LAMC1: variants seen among roughly 807,000 people sequenced by gnomAD.
The protein encoded by LAMC1 is laminin subunit gamma 1, also known as laminin subunit gamma-1.
In LAMC1, 38 loss-of-function variants were observed where a neutral mutation model predicts 173.6. The ratio of observed to expected loss-of-function variants is 0.22; its 90% CI spans 0.17 to 0.29. The LOEUF is 0.29. Ranked by LOEUF, LAMC1 falls within the 10% of genes least tolerant of loss-of-function variation. LAMC1 has a pLI of 1.00. For missense variants in LAMC1, 1,824 were observed against 2,051.8 expected (o/e 0.89, Z 2.14); for synonymous variants, 746 against 749.1 (o/e 1.00, Z 0.07).
intron 4 of LAMC1, among the ~76,000 whole-genome samples, chr1:183,112,405 A>G (rs1055667067): frequency 6.6e-6 from 1 of 152,118 alleles, no homozygotes; most frequent in Non-Finnish European, 1.5e-5. Context: ...AGAACCAAAC[A>G]TTGCCAATTC....
At chr1:183,108,802 T>A (rs1281994334) in intron 3 of LAMC1, among the ~76,000 whole-genome samples, 1 of 152,224 alleles carries the variant, frequency 6.6e-6, no homozygotes, top group Non-Finnish European at 1.5e-5. Context: ...TATGAATATG[T>A]GAAAACTGAA....
At chr1:183,067,444 G>C (rs1654902636) in intron 1 of LAMC1, among the ~76,000 whole-genome samples, 2 of 152,028 alleles carry the variant, frequency 1.3e-5, no homozygotes, top group Non-Finnish European at 2.9e-5. Context: ...TGGCTGTTCT[G>C]TACTTATATA....
At chr1:183,024,157 C>G (rs2102001005) in intron 1 of LAMC1, 23 bp downstream of exon 1, 1 of 1,522,500 alleles carries the variant, frequency 6.6e-7, no homozygotes, top group South Asian at 1.3e-5. Context: ...AGCCCCGTCC[C>G]CTGCTACTGC....
intron 24 of LAMC1, among the ~76,000 whole-genome samples, chr1:183,135,889 T>C (rs1355350327): frequency 2.0e-4 from 14 of 69,338 alleles, no homozygotes; most frequent in Non-Finnish European, 4.1e-4. Context: ...ACCTTGTCTC[T>C]CAAAAAAAAA....
At chr1:183,029,001 T>C (rs995668767) in intron 1 of LAMC1, among the ~76,000 whole-genome samples, 5 of 152,230 alleles carry the variant, frequency 3.3e-5, no homozygotes, top group African/African-American at 4.8e-5. Flanking sequence ...TGGTATTCCC[T>C]ATCTCAGTGA....
chr1:183,041,402 A>G (rs1654128757), intron 1 of LAMC1, among the ~76,000 whole-genome samples: 2 of 151,880 alleles, frequency 1.3e-5, no homozygotes, highest in Non-Finnish European at 2.9e-5. Flanking sequence ...ACAAATTTCA[A>G]CTCCTCCAAG....
intron 1 of LAMC1, among the ~76,000 whole-genome samples, chr1:183,068,181 A>C (rs1477526871): frequency 6.6e-6 from 1 of 152,120 alleles, no homozygotes; most frequent in East Asian, 1.9e-4. Context: ...CCTTTGTTAC[A>C]ATCTTATTGC....
chr1:183,126,295 T>G, intron 16 of LAMC1, 33 bp downstream of exon 16: 1 of 1,601,872 alleles, frequency 6.2e-7, no homozygotes, highest in Non-Finnish European at 8.5e-7. Context: ...AACTCTAAGC[T>G]TCCACTAATT....
At position 183,117,983 on chromosome 1, in the gene LAMC1, C is replaced by T. The variant is rs112861736; in HGVS notation, c.1878-51C>T. ...AAATGAATAAGAAATATTTCCCCAA[C>T]ATCCAGAATTGTCCTTACAGAGGTT... On this transcript the variant is annotated intron_variant, in intron 10 of 27. Coordinates refer to ENST00000258341, the MANE Select transcript of LAMC1 (RefSeq NM_002293.4). 1.1e-4 allele frequency: 119 copies of T among 1,065,898 alleles called. 2 individuals are homozygous for T. In the African/African-American group the frequency reaches 1.5e-3, roughly 14 times the overall value. 66.0% of individuals were successfully genotyped at this position (1,065,898 alleles called of 1,614,324 possible). A position where few individuals can be genotyped will look rare whatever the true frequency, so the allele number is the denominator to read the frequency against.
At chr1:183,104,666 C>G (rs1310549456) in intron 2 of LAMC1, among the ~76,000 whole-genome samples, 1 of 152,160 alleles carries the variant, frequency 6.6e-6, no homozygotes, top group African/African-American at 2.4e-5. Flanking sequence ...TTCAGGGACT[C>G]TCTTTCTAAT....
intron 1 of LAMC1, among the ~76,000 whole-genome samples, chr1:183,037,167 A>G (rs537038196): frequency 1.7e-4 from 26 of 152,322 alleles, no homozygotes; most frequent in African/African-American, 6.3e-4. Context: ...AGGAATTTCT[A>G]AGGAATTTAT....
At chr1:183,102,964 T>C (rs1264889731) in intron 1 of LAMC1, among the ~76,000 whole-genome samples, 1 of 152,234 alleles carries the variant, frequency 6.6e-6, no homozygotes, top group African/African-American at 2.4e-5. Context: ...TATTTGCTTT[T>C]GTATCTTTTA....
At chr1:183,136,255 G>T in intron 24 of LAMC1, 131 bp from the exon 25 acceptor site, 4 of 695,790 alleles carry the variant, frequency 5.7e-6, no homozygotes, top group South Asian at 5.4e-5. Context: ...TAAAATTTCA[G>T]CCCATGCTCT....
intron 24 of LAMC1, 25 bp downstream of exon 24, chr1:183,135,181 GC>G (rs755880134): frequency 6.9e-7 from 1 of 1,441,934 alleles, no homozygotes; most frequent in Admixed American, 1.7e-5. Context: ...GATAACAGGG[GC>G]AAATGCTTCC....
chr1:183,045,491 A>G (rs1468748030), intron 1 of LAMC1, among the ~76,000 whole-genome samples: 1 of 152,086 alleles, frequency 6.6e-6, no homozygotes, highest in African/African-American at 2.4e-5. Context: ...TTGAAAAAAA[A>G]GTTCAGTATA....
intron 1 of LAMC1, among the ~76,000 whole-genome samples, chr1:183,071,968 A>G (rs1334870336): frequency 6.6e-6 from 1 of 152,260 alleles, no homozygotes; most frequent in Non-Finnish European, 1.5e-5. Context: ...GTGTTATGTT[A>G]TAGAAATACA....
intron 1 of LAMC1, among the ~76,000 whole-genome samples, chr1:183,025,898 AG>A (rs943114298): frequency 2.6e-5 from 4 of 152,202 alleles, no homozygotes; most frequent in African/African-American, 9.7e-5. Context: ...GTGTAGCTAA[AG>A]GTTATTTAAG....
At position 183,077,853 on chromosome 1, in the gene LAMC1, C is replaced by T. The variant is rs531722689; in HGVS notation, c.419-25475C>T. On this transcript the variant is annotated intron_variant, in intron 1 of 27. Transcript: ENST00000258341. ...TTGATGGACATTTGGGTTGGTTCCACGATTTTGCGATTGTGAATTGTGCTG... is the reference window on the plus strand; with the variant it reads ...TTGATGGACATTTGGGTTGGTTCCATGATTTTGCGATTGTGAATTGTGCTG... 1.1e-4 allele frequency among the ~76,000 whole-genome samples: 16 copies of T among 149,064 alleles called. No individual in the cohort carries two copies. The South Asian group carries it at 2.6e-3, about 24-fold the overall frequency.
chr1:183,027,788 G>T (rs978285482), intron 1 of LAMC1, among the ~76,000 whole-genome samples: 1 of 152,184 alleles, frequency 6.6e-6, no homozygotes, highest in Non-Finnish European at 1.5e-5. Flanking sequence ...TGCTGAGTGT[G>T]TATGTATTTA....
Sources: allele counts gnomAD v4.1 joint callset (sites outside exome capture counted in the v4.1 genomes callset), GRCh38; gene constraint gnomAD v4.1.1; transcripts MANE v1.5; gene names NCBI Gene and HGNC (gene_info 2026-07-23, HGNC 2026-07-21).